Variants in PTPRU observed in about 807,000 individuals in gnomAD.
PTPRU encodes the protein protein tyrosine phosphatase receptor type U.
Under a neutral mutation model 166.3 loss-of-function variants are expected in PTPRU, and 69 were observed. The observed-to-expected ratio is 0.41, with a 90% CI of 0.34 to 0.51. The LOEUF is 0.51. PTPRU is among the 20% of genes least tolerant of loss of function. PTPRU has a pLI of 0.09. For missense variants in PTPRU, 1,657 were observed against 2,013.7 expected (o/e 0.82, Z 3.39); for synonymous variants, 793 against 814.0 (o/e 0.97, Z 0.44).
rs534671494 is a variant in PTPRU, at chr1:29,238,959, G to A, written c.73+2242G>A. On this transcript the variant is annotated intron_variant, in intron 1 of 29. Transcript: ENST00000373779. The surrounding 1 kb of genome is among the most constrained non-coding windows in gnomAD (Gnocchi z 6.1). ...ATGATAATGGTGTATGGCACTTTTG[G>A]TAGATACCAAGTACCTTGTAAAGTA... 1.3e-5 allele frequency among the ~76,000 whole-genome samples: 2 copies of A among 152,292 alleles called. No individual in the cohort carries two copies. Among genetic ancestry groups the A allele is most frequent in the Admixed American group, 1.3e-4 (2 of 15,306 alleles).
At chr1:29,277,800 A>ATTTTTTTTTT (rs1478190246) in intron 8 of PTPRU, among the ~76,000 whole-genome samples, 1 of 41,778 alleles carries the variant, frequency 2.4e-5, no homozygotes, top group Non-Finnish European at 5.3e-5. Flanking sequence ...CACAGTTGTC[A>ATTTTTTTTTT]TTCTTTTTTT....
chr1:29,279,393 AGGCTGCTGGTCAG>A lies in PTPRU; in HGVS notation c.1564-60_1564-48del. 2.0e-6 allele frequency: 3 copies of A among 1,511,178 alleles called. No homozygotes were observed. Among genetic ancestry groups the A allele is most frequent in the Non-Finnish European group, 1.8e-6 (2 of 1,087,982 alleles). 93.6% of individuals were successfully genotyped at this position (1,511,178 alleles called of 1,614,324 possible). On this transcript the variant is annotated intron_variant, in intron 9 of 29. Transcript: ENST00000373779. The surrounding 1 kb of genome is among the most constrained non-coding windows in gnomAD (Gnocchi z 5.2). ...CACTTCCCTGGGACATGGTGGGTGGAGGCTGCTGGTCAGGGATGCTCTGACCATCCAGTGCCCA... is the reference window on the plus strand; with the variant it reads ...CACTTCCCTGGGACATGGTGGGTGGAGGATGCTCTGACCATCCAGTGCCCA...
At chr1:29,290,460 C>T (rs1686575185) in intron 14 of PTPRU, among the ~76,000 whole-genome samples, 1 of 152,238 alleles carries the variant, frequency 6.6e-6, no homozygotes, top group Non-Finnish European at 1.5e-5. Context: ...GCCGATGCTA[C>T]TCTGTCTTCT....
chr1:29,259,906 C>A lies in PTPRU; in HGVS notation c.712C>A (p.Arg238=), dbSNP rs1285923055. Residue 238 remains arginine (R), a synonymous_variant, in exon 6 of 30, where the codon CGG becomes AGG. Coordinates refer to ENST00000373779, the MANE Select transcript of PTPRU (RefSeq NM_133178.4). ...GGCGCTGGTGCCGGCGGCGGGCGTG[C>A]GGCACATCAGCCACCGGCGCTTCCT... is the stretch of plus-strand genomic sequence containing the variant. The part of the protein sequence containing the change: ...SGALVPAAGV[R]HISHRRFLAT... The A allele has an allele frequency of 2.6e-6, 4 of 1,531,612 alleles. No individual in the cohort carries two copies. The highest frequency in any genetic ancestry group is 2.5e-5 in the East Asian group (1 of 40,806). The allele number at this position is 1,531,612 out of a possible 1,614,324, so 94.9% of individuals were successfully genotyped here.
At position 29,238,644 on chromosome 1, in the gene PTPRU, C is replaced by A. The variant is rs925687332; in HGVS notation, c.73+1927C>A. Among the ~76,000 whole-genome samples, 9 of 152,222 alleles carry A rather than the reference C, an allele frequency of 5.9e-5. No individual in the cohort carries two copies. Among genetic ancestry groups the A allele is most frequent in the Admixed American group, 2.0e-4 (3 of 15,290 alleles). ...TAGGGCACAGCTTTAGCTTTGACCT[C>A]CCCGTTCCCGAAAGGACGCCCAAGG... On this transcript the variant is annotated intron_variant, in intron 1 of 29. Transcript: ENST00000373779. This position sits in a 1 kb window ranked among gnomAD's most constrained non-coding sequence, Gnocchi z 6.1.
chr1:29,319,056 G>A (rs534581826), intron 25 of PTPRU, among the ~76,000 whole-genome samples: 77 of 152,190 alleles, frequency 5.1e-4, no homozygotes, highest in African/African-American at 1.4e-3. Context: ...TCAGCTGAAG[G>A]GGAGGGGAAG....
At chr1:29,270,062 T>C (rs1685494718) in intron 7 of PTPRU, among the ~76,000 whole-genome samples, 2 of 152,198 alleles carry the variant, frequency 1.3e-5, no homozygotes, top group Non-Finnish European at 2.9e-5. Flanking sequence ...CCCTGAGTTA[T>C]TTCTTTAGGA....
At chr1:29,283,444 C>G (rs1413106669) in intron 12 of PTPRU, among the ~76,000 whole-genome samples, 1 of 151,978 alleles carries the variant, frequency 6.6e-6, no homozygotes, top group African/African-American at 2.4e-5. Flanking sequence ...ATCCAGGTCC[C>G]CAGTCTAGTC....
intron 1 of PTPRU, among the ~76,000 whole-genome samples, chr1:29,249,611 A>C (rs1410015877): frequency 2.0e-5 from 3 of 152,142 alleles, no homozygotes; most frequent in Admixed American, 6.5e-5. Context: ...GGCTCAGGGC[A>C]TATGTGTGTT....
chr1:29,260,928 C>T lies in PTPRU; in HGVS notation c.1144+25C>T. On this transcript the variant is annotated intron_variant, in intron 7 of 29. Transcript: ENST00000373779. This position sits in a 1 kb window ranked among gnomAD's most constrained non-coding sequence, Gnocchi z 8.3. The stretch of plus-strand genomic sequence containing the variant: ...GGTGGGTGCAGCAGCTACCCCTGGC[C>T]TCAGTCTCTGGTGGGCCCAGGGCTA... 6.6e-7 allele frequency: 1 copy of T among 1,510,250 alleles called. No individual in the cohort carries two copies. Among genetic ancestry groups the T allele is most frequent in the South Asian group, 1.3e-5 (1 of 77,338 alleles). The allele number at this position is 1,510,250 out of a possible 1,614,324, so 93.6% of individuals were successfully genotyped here. A position where few individuals can be genotyped will look rare whatever the true frequency, so the allele number is the denominator to read the frequency against.
At chr1:29,324,890 A>C (rs1574740265) in intron 28 of PTPRU, among the ~76,000 whole-genome samples, 8 of 126,846 alleles carry the variant, frequency 6.3e-5, no homozygotes, top group South Asian at 2.5e-4. Context: ...CCCGCCCCTC[A>C]CCTCTGGACT....
Position 29,310,794 on chromosome 1 carries a change from C to A in PTPRU, c.2857+14C>A, listed in dbSNP as rs1418386417. On this transcript the variant is annotated intron_variant, in intron 19 of 29. Transcript: ENST00000373779. Reference sequence around the variant, plus strand: ...TAGCCACTCAAGGTACCTGGCACTTCTGCCCACATGCGCCTTCCCATGTGC... The same window carrying A: ...TAGCCACTCAAGGTACCTGGCACTTATGCCCACATGCGCCTTCCCATGTGC... 6.2e-7 allele frequency: 1 copy of A among 1,613,064 alleles called. No individual in the cohort carries two copies. Among genetic ancestry groups the A allele is most frequent in the East Asian group, 2.2e-5 (1 of 44,864 alleles).
intron 25 of PTPRU, among the ~76,000 whole-genome samples, chr1:29,318,549 C>T (rs941225673): frequency 1.3e-5 from 2 of 152,210 alleles, no homozygotes; most frequent in Non-Finnish European, 2.9e-5. Flanking sequence ...TATCCCTATT[C>T]CTCTGCCACA....
At position 29,311,731 on chromosome 1, in the gene PTPRU, A is replaced by G; in HGVS notation, c.3044A>G (p.Tyr1015Cys). The change falls in exon 21 of 30, where the codon TAT becomes TGT. Residue 1015 changes from tyrosine to cysteine, a missense_variant. Transcript: ENST00000373779. This position sits in a 1 kb window ranked among gnomAD's most constrained non-coding sequence, Gnocchi z 4.1. ...GTGAAGACAGAGACCCTGGCTGAGT[A>G]TGTCGTGCGCACTTTTGCCCTGGAG... ...MLVKTETLAE[Y>C]VVRTFALERR... is the part of the protein sequence containing the mutation. 6.2e-7 allele frequency: 1 copy of G among 1,614,154 alleles called. No individual in the cohort carries two copies. Among genetic ancestry groups the G allele is most frequent in the Non-Finnish European group, 8.5e-7 (1 of 1,179,990 alleles).
intron 12 of PTPRU, 137 bp downstream of exon 12, chr1:29,283,086 C>T: frequency 8.0e-7 from 1 of 1,251,452 alleles, no homozygotes; most frequent in Non-Finnish European, 1.1e-6. Context: ...CCCCACCTCC[C>T]ATAGCTCCTC....
chr1:29,325,852 G>A lies in PTPRU; in HGVS notation c.*191G>A. ...CTTTCGCTTGTCCCATGGGCGGGTG[G>A]TGGGCCAAGGAGGAGCTTAGCAAGT... On this transcript the variant is annotated 3_prime_UTR_variant, in exon 30 of 30. Transcript: ENST00000373779. 4.7e-6 allele frequency: 3 copies of A among 634,542 alleles called. No homozygotes were observed. In the South Asian group the frequency reaches 6.8e-5, roughly 14 times the overall value. 39.3% of individuals were successfully genotyped at this position (634,542 alleles called of 1,614,324 possible).
chr1:29,258,048 T>C (rs780813338), intron 2 of PTPRU, among the ~76,000 whole-genome samples: 9 of 152,118 alleles, frequency 5.9e-5, no homozygotes, highest in Non-Finnish European at 1.3e-4. Context: ...CACTGCAACC[T>C]CTGCCTCCCA....
intron 15 of PTPRU, among the ~76,000 whole-genome samples, chr1:29,300,463 C>T (rs980996411): frequency 6.6e-6 from 1 of 152,184 alleles, no homozygotes; most frequent in African/African-American, 2.4e-5. Flanking sequence ...TCCTCTTCCT[C>T]CTCTTGCTCT....
Position 29,315,340 on chromosome 1 carries a change from T to C in PTPRU, c.3228-32T>C. The C allele has an allele frequency of 1.2e-6, 2 of 1,613,558 alleles. No individual in the cohort carries two copies. Among genetic ancestry groups the C allele is most frequent in the Non-Finnish European group, 1.7e-6 (2 of 1,179,976 alleles). ...TAGTCCCGGGCTTCCTCCCCAAAGCTCTGACCTGGTCTGGGGCTGCTCTCT... is the reference window on the plus strand; with the variant it reads ...TAGTCCCGGGCTTCCTCCCCAAAGCCCTGACCTGGTCTGGGGCTGCTCTCT... On this transcript the variant is annotated intron_variant, in intron 22 of 29. Coordinates refer to ENST00000373779, the MANE Select transcript of PTPRU (RefSeq NM_133178.4). The surrounding 1 kb of genome is among the most constrained non-coding windows in gnomAD (Gnocchi z 4.5).
Sources: gnomAD v4.1 joint callset for allele counts (sites outside exome capture counted in the v4.1 genomes callset) on GRCh38, gnomAD v4.1.1 for gene constraint, Gnocchi (gnomAD v3.1) non-coding constraint, MANE v1.5 for transcripts, NCBI Gene and HGNC (gene_info 2026-07-23, HGNC 2026-07-21) for gene names.